Variants in IL1RAPL1 observed in about 807,000 individuals in gnomAD.
The protein encoded by IL1RAPL1 is interleukin 1 receptor accessory protein like 1, also known as interleukin-1 receptor accessory protein-like 1.
A neutral mutation model predicts 48.4 loss-of-function variants in IL1RAPL1; 3 were observed. The ratio of observed to expected loss-of-function variants is 0.06; its 90% CI spans 0.03 to 0.16. The LOEUF (loss-of-function observed/expected upper bound fraction) is 0.16, where lower values mean the gene tolerates loss of function less well. Ranked by LOEUF, IL1RAPL1 falls within the 10% of genes least tolerant of loss-of-function variation. The pLI, the probability that IL1RAPL1 is intolerant of heterozygous loss-of-function variation, is 1.00. For missense variants in IL1RAPL1, 349 were observed against 530.6 expected, an observed-to-expected ratio of 0.66 and a Z score of 3.36; for synonymous variants, 185 against 187.7, an observed-to-expected ratio of 0.99 and a Z score of 0.12.
At chrX:29,685,398 G>T (rs1303738613) in intron 6 of IL1RAPL1, among the ~76,000 whole-genome samples, 1 of 110,661 alleles carries the variant, frequency 9.0e-6, no homozygotes, top group Non-Finnish European at 1.9e-5. Context: ...AGCTACTCGG[G>T]AGGCTGAGAC....
intron 2 of IL1RAPL1, among the ~76,000 whole-genome samples, chrX:29,100,196 G>A (rs746034645): frequency 9.0e-6 from 1 of 111,707 alleles, no homozygotes; most frequent in East Asian, 2.8e-4. Flanking sequence ...TGGCTACAGA[G>A]TGAGACTCCA....
intron 2 of IL1RAPL1, among the ~76,000 whole-genome samples, chrX:29,224,172 G>A (rs1931036312): frequency 9.0e-6 from 1 of 111,184 alleles, no homozygotes; most frequent in Non-Finnish European, 1.9e-5. Context: ...AAAGCCCCGA[G>A]ATACGGACAG....
intron 6 of IL1RAPL1, among the ~76,000 whole-genome samples, chrX:29,899,611 T>G (rs1388516103): frequency 2.8e-5 from 3 of 108,019 alleles, no homozygotes; most frequent in African/African-American, 1.0e-4. Flanking sequence ...TGGCGCGATC[T>G]CGGCTCACTG....
chrX:28,986,904 C>T (rs926329417), intron 2 of IL1RAPL1, among the ~76,000 whole-genome samples: 3 of 111,666 alleles, frequency 2.7e-5, no homozygotes, highest in African/African-American at 6.5e-5. Context: ...AGAGCCACTC[C>T]GTGATGTAAT....
At chrX:28,690,858 A>G (rs779674900) in intron 1 of IL1RAPL1, among the ~76,000 whole-genome samples, 1 of 111,338 alleles carries the variant, frequency 9.0e-6, no homozygotes, top group Non-Finnish European at 1.9e-5. Flanking sequence ...AACCTTTACA[A>G]TTATGTAACC....
chrX:28,821,920 G>A (rs149396736), intron 2 of IL1RAPL1, among the ~76,000 whole-genome samples: 1 of 111,374 alleles, frequency 9.0e-6, no homozygotes, highest in African/African-American at 3.3e-5. Flanking sequence ...CACAGGGTCG[G>A]CTTTAAGCGT....
chrX:29,177,090 A>G (rs1930039350), intron 2 of IL1RAPL1, among the ~76,000 whole-genome samples: 1 of 111,015 alleles, frequency 9.0e-6, no homozygotes, highest in South Asian at 3.9e-4. Context: ...CCCTTCTCCT[A>G]TAAAGGGAGA....
chrX:28,743,558 G>A (rs1293905222), intron 1 of IL1RAPL1, among the ~76,000 whole-genome samples: 1 of 110,665 alleles, frequency 9.0e-6, no homozygotes, highest in Admixed American at 9.7e-5. Context: ...ATCTGGATTA[G>A]AGAAATGCTC....
At chrX:29,859,417 T>C (rs1931534832) in intron 6 of IL1RAPL1, among the ~76,000 whole-genome samples, 2 of 111,518 alleles carry the variant, frequency 1.8e-5, no homozygotes, top group Non-Finnish European at 3.8e-5. Context: ...AAAACTGTGT[T>C]TTTCCTCCCC....
chrX:28,612,180 T>G (rs767905062), intron 1 of IL1RAPL1, among the ~76,000 whole-genome samples: 1 of 111,896 alleles, frequency 8.9e-6, no homozygotes, highest in African/African-American at 3.2e-5. Context: ...TCTGCTGTTC[T>G]CACCCTGGCT....
chrX:29,831,703 A>T (rs1296365355), intron 6 of IL1RAPL1, among the ~76,000 whole-genome samples: 2 of 111,687 alleles, frequency 1.8e-5, no homozygotes, highest in African/African-American at 3.3e-5. Flanking sequence ...GACCTAAAAG[A>T]GCATACTTAA....
intron 5 of IL1RAPL1, among the ~76,000 whole-genome samples, chrX:29,410,780 T>C (rs1934133996): frequency 8.9e-6 from 1 of 112,532 alleles, no homozygotes; most frequent in African/African-American, 3.2e-5. Context: ...ACAAAAAAGT[T>C]ACATAATTCA....
intron 5 of IL1RAPL1, among the ~76,000 whole-genome samples, chrX:29,580,489 C>A (rs1434019799): frequency 1.8e-5 from 2 of 111,630 alleles, no homozygotes; most frequent in Non-Finnish European, 1.9e-5. Flanking sequence ...TTTTCCTGAT[C>A]TGTTACTTTG....
chrX:29,570,993 G>A (rs1343235463), intron 5 of IL1RAPL1, among the ~76,000 whole-genome samples: 3 of 112,000 alleles, frequency 2.7e-5, no homozygotes, highest in African/African-American at 6.5e-5. Context: ...AGGCCGAGGC[G>A]GGTGGATCAC....
intron 1 of IL1RAPL1, among the ~76,000 whole-genome samples, chrX:28,624,525 C>T (rs1034230678): frequency 8.9e-6 from 1 of 111,862 alleles, no homozygotes; most frequent in Non-Finnish European, 1.9e-5. Flanking sequence ...ATTTTCTCTA[C>T]CTGTTGGTCA....
intron 5 of IL1RAPL1, among the ~76,000 whole-genome samples, chrX:29,664,343 G>T (rs1925934914): frequency 9.5e-6 from 1 of 104,970 alleles, no homozygotes; most frequent in Non-Finnish European, 1.9e-5. Flanking sequence ...GGCAGAGCTT[G>T]CAGTGAGCGG....
chrX:29,164,392 CAAAA>C (rs928848283), intron 2 of IL1RAPL1, among the ~76,000 whole-genome samples: 10 of 111,134 alleles, frequency 9.0e-5, no homozygotes, highest in African/African-American at 3.3e-4. Context: ...GATATGAACA[CAAAA>C]AAAATTCCTT....
At chrX:29,483,510 A>G (rs1435512977) in intron 5 of IL1RAPL1, among the ~76,000 whole-genome samples, 1 of 111,626 alleles carries the variant, frequency 9.0e-6, no homozygotes, top group Non-Finnish European at 1.9e-5. Context: ...ACAGTAGTAT[A>G]TTCGGCACCA....
At chrX:29,358,092 A>G (rs756191860) in intron 3 of IL1RAPL1, among the ~76,000 whole-genome samples, 1 of 111,429 alleles carries the variant, frequency 9.0e-6, no homozygotes, top group South Asian at 3.8e-4. Context: ...TCTGGGTTTT[A>G]TCCTTGCTTT....
Sources: allele counts gnomAD v4.1 joint callset (sites outside exome capture counted in the v4.1 genomes callset), GRCh38; gene constraint gnomAD v4.1.1; transcripts MANE v1.5; gene names NCBI Gene and HGNC (gene_info 2026-07-23, HGNC 2026-07-21).